The following SH3PXD2A variants were observed in gnomAD, a reference collection of about 807,000 sequenced individuals.
The protein encoded by SH3PXD2A is SH3 and PX domains 2A, also known as SH3 and PX domain-containing protein 2A.
In SH3PXD2A, 32 loss-of-function variants were observed where a neutral mutation model predicts 115.2. That is an observed-to-expected ratio of 0.28 (90% CI 0.21 to 0.37). SH3PXD2A has a LOEUF of 0.37. SH3PXD2A is among the 10% of genes least tolerant of loss of function. SH3PXD2A has a pLI of 1.00. For missense variants in SH3PXD2A, 1,328 were observed against 1,498.7 expected, an observed-to-expected ratio of 0.89 and a Z score of 1.88; for synonymous variants, 610 against 629.1, an observed-to-expected ratio of 0.97 and a Z score of 0.45.
At position 103,664,004 on chromosome 10, in the gene SH3PXD2A, C is replaced by T. The variant is rs547042463; in HGVS notation, c.473-2890G>A. On this transcript the variant is annotated intron_variant, in intron 7 of 14. Coordinates refer to ENST00000369774, the MANE Select transcript of SH3PXD2A (RefSeq NM_001394015.1). ...GGCCTGCCCCGCCTCTGTACTTAGGCATGCCAGCTTCTGTGCCTGCCCCTG... is the reference window on the plus strand; with the variant it reads ...GGCCTGCCCCGCCTCTGTACTTAGGTATGCCAGCTTCTGTGCCTGCCCCTG... 2.0e-5 allele frequency among the ~76,000 whole-genome samples: 3 copies of T among 152,380 alleles called. No homozygotes were observed. The South Asian group carries it at 6.2e-4, about 32-fold the overall frequency.
chr10:103,724,813 C>T (rs2134172754), intron 4 of SH3PXD2A, among the ~76,000 whole-genome samples: 1 of 152,268 alleles, frequency 6.6e-6, no homozygotes, highest in African/African-American at 2.4e-5. Flanking sequence ...ACCACTGAAC[C>T]CTGGAACCCT....
chr10:103,714,782 C>T (rs1420629294), intron 5 of SH3PXD2A, among the ~76,000 whole-genome samples: 1 of 152,246 alleles, frequency 6.6e-6, no homozygotes, highest in African/African-American at 2.4e-5. Context: ...GCTGCAAGGA[C>T]AGTGTGGCCC....
intron 5 of SH3PXD2A, among the ~76,000 whole-genome samples, chr10:103,715,706 C>G (rs2038097396): frequency 6.6e-6 from 1 of 152,262 alleles, no homozygotes; most frequent in Admixed American, 6.5e-5. Context: ...ACTCAAGAGG[C>G]TGGCAGCCAG....
chr10:103,713,309 C>G (rs12778211), intron 5 of SH3PXD2A, among the ~76,000 whole-genome samples: 17,562 of 152,194 alleles, frequency 0.12, 1,221 homozygotes, highest in Non-Finnish European at 0.15. Context: ...TAGATCCTGA[C>G]TGTTGCATGC....
chr10:103,683,963 G>A (rs183698146), intron 6 of SH3PXD2A, among the ~76,000 whole-genome samples: 1 of 152,338 alleles, frequency 6.6e-6, no homozygotes, highest in Admixed American at 6.5e-5. Flanking sequence ...AAACTATTAA[G>A]AGAAGTGAAA....
At chr10:103,714,714 C>T (rs2038085176) in intron 5 of SH3PXD2A, among the ~76,000 whole-genome samples, 1 of 152,258 alleles carries the variant, frequency 6.6e-6, no homozygotes, top group Admixed American at 6.5e-5. Context: ...CAAGGTCCAG[C>T]TGGCCCTCCT....
At chr10:103,834,708 C>A (rs1156944651) in intron 1 of SH3PXD2A, among the ~76,000 whole-genome samples, 2 of 152,186 alleles carry the variant, frequency 1.3e-5, no homozygotes, top group Non-Finnish European at 2.9e-5. Context: ...TGCTTTTATG[C>A]CAGCCACCAA....
intron 1 of SH3PXD2A, among the ~76,000 whole-genome samples, chr10:103,852,603 G>A (rs1301174581): frequency 6.6e-6 from 1 of 152,170 alleles, no homozygotes; most frequent in East Asian, 1.9e-4. Context: ...CCTGCCAGCT[G>A]ACCACACCAG....
chr10:103,607,495 T>C (rs2036338152), intron 13 of SH3PXD2A, among the ~76,000 whole-genome samples: 1 of 149,684 alleles, frequency 6.7e-6, no homozygotes, highest in Non-Finnish European at 1.5e-5. Context: ...GGAGCCCCTC[T>C]GCCCGGCCAG....
chr10:103,731,868 G>A (rs903609421), intron 4 of SH3PXD2A, among the ~76,000 whole-genome samples: 1 of 152,134 alleles, frequency 6.6e-6, no homozygotes, highest in African/African-American at 2.4e-5. Flanking sequence ...GTGCAGAGGG[G>A]GAGGGTCAGG....
chr10:103,855,282 G>A lies in SH3PXD2A; in HGVS notation c.-16C>T, dbSNP rs1842930604. 1 of 1,503,432 alleles carries A rather than the reference G, an allele frequency of 6.7e-7. No homozygotes were observed. The allele number at this position is 1,503,432 out of a possible 1,614,324, so 93.1% of individuals were successfully genotyped here. A position where few individuals can be genotyped will look rare whatever the true frequency, so the allele number is the denominator to read the frequency against. On this transcript the variant is annotated 5_prime_UTR_variant, in exon 1 of 15. Coordinates refer to ENST00000369774, the MANE Select transcript of SH3PXD2A (RefSeq NM_001394015.1). ...AGGCGAGCATCTTCCCCCACAAAGCGAGTGGCGCCCCCGGCGGCGTCACCT... is the reference window on the plus strand; with the variant it reads ...AGGCGAGCATCTTCCCCCACAAAGCAAGTGGCGCCCCCGGCGGCGTCACCT...
At chr10:103,777,653 G>C (rs1365041500) in intron 2 of SH3PXD2A, among the ~76,000 whole-genome samples, 1 of 152,222 alleles carries the variant, frequency 6.6e-6, no homozygotes, top group Non-Finnish European at 1.5e-5. Flanking sequence ...ATGCCCAAAA[G>C]GTGCCCAAGT....
intron 1 of SH3PXD2A, among the ~76,000 whole-genome samples, chr10:103,829,670 T>C (rs1323106415): frequency 6.6e-6 from 1 of 152,158 alleles, no homozygotes; most frequent in African/African-American, 2.4e-5. Context: ...ATGTAATCAA[T>C]CAGACAATCA....
chr10:103,719,539 A>G (rs918303172), intron 5 of SH3PXD2A, among the ~76,000 whole-genome samples: 1 of 152,050 alleles, frequency 6.6e-6, no homozygotes, highest in Non-Finnish European at 1.5e-5. Flanking sequence ...TGGGACATGC[A>G]CTGTTCTGGG....
At chr10:103,752,596 A>C (rs2038591327) in intron 3 of SH3PXD2A, among the ~76,000 whole-genome samples, 1 of 152,210 alleles carries the variant, frequency 6.6e-6, no homozygotes, top group South Asian at 2.1e-4. Flanking sequence ...CCAGGCCCAG[A>C]GTTCCTCCCT....
chr10:103,684,123 C>T (rs559708788), intron 6 of SH3PXD2A, among the ~76,000 whole-genome samples: 20 of 152,248 alleles, frequency 1.3e-4, no homozygotes, highest in South Asian at 1.0e-3. Flanking sequence ...ATTTACCTTG[C>T]GGGGAAGGGA....
intron 11 of SH3PXD2A, among the ~76,000 whole-genome samples, chr10:103,614,625 G>A (rs1453188913): frequency 6.6e-6 from 1 of 152,104 alleles, no homozygotes; most frequent in Non-Finnish European, 1.5e-5. Flanking sequence ...CCAAACCCAT[G>A]GGGACTTCAC....
intron 1 of SH3PXD2A, among the ~76,000 whole-genome samples, chr10:103,850,081 T>G (rs1188670071): frequency 1.3e-5 from 2 of 152,162 alleles, no homozygotes; most frequent in African/African-American, 2.4e-5. Flanking sequence ...TCAGAAGTCC[T>G]AACAACACTT....
Position 103,676,656 on chromosome 10 carries a change from G to A in SH3PXD2A, c.428-8004C>T, listed in dbSNP as rs553724455. 3.3e-5 allele frequency among the ~76,000 whole-genome samples: 5 copies of A among 152,226 alleles called. No individual in the cohort carries two copies. In the South Asian group the frequency reaches 1.0e-3, roughly 32 times the overall value. On this transcript the variant is annotated intron_variant, in intron 6 of 14. Coordinates refer to ENST00000369774, the MANE Select transcript of SH3PXD2A (RefSeq NM_001394015.1). ...TGAGAGGTGCCGTGGGTGGACAGAG[G>A]GGTGCTGGCCAGGGAGGCTGGCAGG...
Sources: allele counts gnomAD v4.1 joint callset (sites outside exome capture counted in the v4.1 genomes callset), GRCh38; gene constraint gnomAD v4.1.1; transcripts MANE v1.5; gene names NCBI Gene and HGNC (gene_info 2026-07-23, HGNC 2026-07-21).